The following LRFN5 variants were observed in gnomAD, a reference collection of about 807,000 sequenced individuals.
LRFN5 encodes leucine-rich repeat and fibronectin type-III domain-containing protein 5.
In LRFN5, 24 loss-of-function variants were observed where a neutral mutation model predicts 45.6. The observed-to-expected ratio is 0.53, with a 90% CI of 0.38 to 0.74. The LOEUF (loss-of-function observed/expected upper bound fraction) is 0.74. Ranked by LOEUF, LRFN5 falls within the 30% of genes least tolerant of loss-of-function variation. The pLI is 0.00. For synonymous variants in LRFN5, 340 were observed against 313.8 expected (o/e 1.08, Z -0.88); for missense variants, 776 against 861.5 (o/e 0.90, Z 1.24).
intron 2 of LRFN5, among the ~76,000 whole-genome samples, chr14:41,842,842 T>G (rs1223026465): frequency 6.6e-6 from 1 of 152,080 alleles, no homozygotes; most frequent in Non-Finnish European, 1.5e-5. Context: ...TTAAGTACAT[T>G]CCCTGTGATT....
Position 41,796,308 on chromosome 14 carries a change from T to C in LRFN5, c.-21+29279T>C, listed in dbSNP as rs976439443. On this transcript the variant is annotated intron_variant, in intron 2 of 5. Transcript: ENST00000298119. ...CAGGAAATATATGTCATTCATAAACTTGTTATTCAGATATTACCAGCATTA... is the reference window on the plus strand; with the variant it reads ...CAGGAAATATATGTCATTCATAAACCTGTTATTCAGATATTACCAGCATTA... 3.9e-5 allele frequency among the ~76,000 whole-genome samples: 6 copies of C among 152,092 alleles called. No individual in the cohort carries two copies. The East Asian group carries it at 1.2e-3, about 29-fold the overall frequency.
chr14:41,768,044 T>C (rs1269071302), intron 2 of LRFN5, among the ~76,000 whole-genome samples: 3 of 152,172 alleles, frequency 2.0e-5, no homozygotes, highest in Non-Finnish European at 2.9e-5. Context: ...AAGTTTGATA[T>C]AGCTGAAATT....
intron 1 of LRFN5, among the ~76,000 whole-genome samples, chr14:41,747,491 G>A (rs1424760212): frequency 6.6e-6 from 1 of 151,910 alleles, no homozygotes; most frequent in African/African-American, 2.4e-5. Flanking sequence ...AATTAAGTTG[G>A]ACCTTTACAT....
At chr14:41,880,933 CT>C (rs1890358350) in intron 2 of LRFN5, among the ~76,000 whole-genome samples, 2 of 152,124 alleles carry the variant, frequency 1.3e-5, no homozygotes, top group Non-Finnish European at 2.9e-5. Flanking sequence ...GCCACATCAA[CT>C]TTTTATGTTC....
chr14:41,738,028 G>C (rs1246697869), intron 1 of LRFN5, among the ~76,000 whole-genome samples: 6 of 152,112 alleles, frequency 3.9e-5, no homozygotes, highest in Admixed American at 3.9e-4. Context: ...AAAAGAGCCT[G>C]TATAGCCAAG....
At chr14:41,673,504 T>C (rs541546787) in intron 1 of LRFN5, among the ~76,000 whole-genome samples, 1 of 128,842 alleles carries the variant, frequency 7.8e-6, no homozygotes, top group Admixed American at 7.5e-5. Flanking sequence ...GGCTCCTCAC[T>C]TCCCAGTAGG....
intron 2 of LRFN5, among the ~76,000 whole-genome samples, chr14:41,848,884 T>C (rs1376821537): frequency 1.3e-5 from 2 of 152,054 alleles, no homozygotes; most frequent in African/African-American, 2.4e-5. Flanking sequence ...TAAAGACTTC[T>C]GTAACCCTTG....
At chr14:41,714,554 CGT>C (rs2138754106) in intron 1 of LRFN5, among the ~76,000 whole-genome samples, 1 of 152,146 alleles carries the variant, frequency 6.6e-6, no homozygotes, top group African/African-American at 2.4e-5. Context: ...ATTGGACAGA[CGT>C]GTGCTATTTT....
Position 41,844,212 on chromosome 14 carries a change from C to A in LRFN5, c.-20-42394C>A, listed in dbSNP as rs570659513. Among the ~76,000 whole-genome samples, 371 of 152,124 alleles carry A rather than the reference C, an allele frequency of 2.4e-3. 1 individual carries two copies. The highest frequency in any genetic ancestry group is 3.9e-3 in the Non-Finnish European group (265 of 67,990). ...TAACACTTTGGGAGGCCAAGGTGGG[C>A]GGATCACGAGGTCAGGAGATCGAGA... On this transcript the variant is annotated intron_variant, in intron 2 of 5. Transcript: ENST00000298119.
chr14:41,853,042 A>G (rs1042957278), intron 2 of LRFN5, among the ~76,000 whole-genome samples: 3 of 152,042 alleles, frequency 2.0e-5, no homozygotes, highest in Admixed American at 1.3e-4. Flanking sequence ...TAGTCTTAGA[A>G]GAAAGACACG....
chr14:41,867,801 C>T (rs1889890652), intron 2 of LRFN5, among the ~76,000 whole-genome samples: 1 of 152,024 alleles, frequency 6.6e-6, no homozygotes, highest in Non-Finnish European at 1.5e-5. Flanking sequence ...TTTCTCACTT[C>T]CTTGCTGGCT....
intron 1 of LRFN5, among the ~76,000 whole-genome samples, chr14:41,719,617 T>G (rs1280830636): frequency 6.6e-6 from 1 of 151,944 alleles, no homozygotes; most frequent in East Asian, 1.9e-4. Flanking sequence ...TCTAATCACT[T>G]TCTTGTTTCT....
intron 1 of LRFN5, among the ~76,000 whole-genome samples, chr14:41,627,182 G>A (rs1221941352): frequency 6.6e-6 from 1 of 151,750 alleles, no homozygotes. Flanking sequence ...TCTTTTTAGC[G>A]TGTACAATTT....
chr14:41,864,225 T>C (rs898598823), intron 2 of LRFN5, among the ~76,000 whole-genome samples: 2 of 152,212 alleles, frequency 1.3e-5, no homozygotes, highest in African/African-American at 4.8e-5. Flanking sequence ...TTTCTGGTTC[T>C]AGATCTTTGA....
intron 1 of LRFN5, among the ~76,000 whole-genome samples, chr14:41,708,625 T>C (rs1244747420): frequency 2.0e-5 from 3 of 152,058 alleles, no homozygotes; most frequent in African/African-American, 7.2e-5. Context: ...TCTATGAATT[T>C]TCATTTCCCA....
At chr14:41,711,187 T>G (rs958764993) in intron 1 of LRFN5, among the ~76,000 whole-genome samples, 1 of 152,176 alleles carries the variant, frequency 6.6e-6, no homozygotes, top group African/African-American at 2.4e-5. Flanking sequence ...GCAATACATA[T>G]GTACACCCAC....
At chr14:41,831,337 T>C (rs575036861) in intron 2 of LRFN5, among the ~76,000 whole-genome samples, 79 of 152,300 alleles carry the variant, frequency 5.2e-4, no homozygotes, top group African/African-American at 1.9e-3. Flanking sequence ...ATGAGTAAAG[T>C]ATAATAATTT....
intron 2 of LRFN5, among the ~76,000 whole-genome samples, chr14:41,821,358 A>G (rs1272405716): frequency 6.6e-6 from 1 of 151,936 alleles, no homozygotes; most frequent in Non-Finnish European, 1.5e-5. Context: ...GGAGTGCTAA[A>G]TCTAACTGAA....
intron 1 of LRFN5, among the ~76,000 whole-genome samples, chr14:41,691,090 T>C (rs1882359826): frequency 1.3e-5 from 2 of 152,124 alleles, no homozygotes; most frequent in African/African-American, 4.8e-5. Context: ...GTTTTCTCTG[T>C]TGAGCATTTA....
Sources: allele counts gnomAD v4.1 joint callset (sites outside exome capture counted in the v4.1 genomes callset), GRCh38; gene constraint gnomAD v4.1.1; transcripts MANE v1.5; gene names NCBI Gene and HGNC (gene_info 2026-07-23, HGNC 2026-07-21).